The following ZCCHC14 variants were observed in gnomAD, a reference collection of about 807,000 sequenced individuals.
ZCCHC14 encodes the protein zinc finger CCHC-type containing 14, also known as zinc finger CCHC domain-containing protein 14.
ZCCHC14 carries 16 observed loss-of-function variants against 85.0 expected under a neutral mutation model. That is an observed-to-expected ratio of 0.19 (90% CI 0.13 to 0.29). ZCCHC14 has a LOEUF of 0.29. Ranked by LOEUF, ZCCHC14 falls within the 10% of genes least tolerant of loss-of-function variation. The pLI, the probability that ZCCHC14 is intolerant of heterozygous loss-of-function variation, is 1.00. For missense variants in ZCCHC14, 1,303 were observed against 1,443.5 expected (o/e 0.90, Z 1.58); for synonymous variants, 775 against 630.7 (o/e 1.23, Z -3.43).
chr16:87,406,766 A>T lies in ZCCHC14; in HGVS notation c.*3514T>A, dbSNP rs1908221997. ...TATTGCGAGTGTTGAGTGTTGATTA[A>T]AGATGCTTTCATTCAGACCCTTGGG... On this transcript the variant is annotated 3_prime_UTR_variant, in exon 13 of 13. Transcript: ENST00000671377. The T allele has an allele frequency of 6.6e-6, 1 of 152,198 alleles. No homozygotes were observed. Among genetic ancestry groups the T allele is most frequent in the Non-Finnish European group, 1.5e-5 (1 of 68,030 alleles). 9.4% of individuals were successfully genotyped at this position (152,198 alleles called of 1,614,324 possible). A position where few individuals can be genotyped will look rare whatever the true frequency, so the allele number is the denominator to read the frequency against.
At chr16:87,424,536 C>T (rs766770226) in intron 3 of ZCCHC14, among the ~76,000 whole-genome samples, 2 of 152,270 alleles carry the variant, frequency 1.3e-5, no homozygotes, top group African/African-American at 4.8e-5. Flanking sequence ...CATGCAGCAG[C>T]GGGCGGTGTC....
rs1567508306 is a variant in ZCCHC14 at position 87,412,914 on chromosome 16, T to TGCC, written c.1806_1807insGGC (p.Phe602_Thr603insGly). 1.2e-6 allele frequency: 2 copies of TGCC among 1,601,416 alleles called. No homozygotes were observed. ...GCCGTGGGTCTGGCGGAACTGGAAGTGAAGTGATTCAGCAGCATCACCGGC... is the reference window on the plus strand; with the variant it reads ...GCCGTGGGTCTGGCGGAACTGGAAGTGCCGAAGTGATTCAGCAGCATCACCGGC... On this transcript the variant is annotated inframe_insertion, in exon 12 of 13. Transcript: ENST00000671377.
At chr16:87,464,537 C>T (rs1479524215) in intron 1 of ZCCHC14, among the ~76,000 whole-genome samples, 1 of 152,152 alleles carries the variant, frequency 6.6e-6, no homozygotes, top group Non-Finnish European at 1.5e-5. Context: ...GTCCGTCTGC[C>T]ACAACCACAA....
chr16:87,475,713 G>C (rs1187646029), intron 1 of ZCCHC14, among the ~76,000 whole-genome samples: 1 of 152,130 alleles, frequency 6.6e-6, no homozygotes. Context: ...CCAAAGAACA[G>C]AGAGAGAAAA....
At chr16:87,431,466 C>G (rs1263999894) in intron 3 of ZCCHC14, among the ~76,000 whole-genome samples, 1 of 129,220 alleles carries the variant, frequency 7.7e-6, no homozygotes, top group African/African-American at 3.1e-5. Context: ...GAGCAAGGCT[C>G]TGTCTGAAAA....
chr16:87,413,556 A>G lies in ZCCHC14; in HGVS notation c.1604-361T>C, dbSNP rs148441382. ...ATCTTTTCAGTCAAATCACCACTTA[A>G]AATCCATCCTGCCAGGTTTTTTTTT... is the stretch of plus-strand genomic sequence containing the variant. On this transcript the variant is annotated intron_variant, in intron 10 of 12. Coordinates refer to ENST00000671377, the MANE Select transcript of ZCCHC14 (RefSeq NM_015144.3). 4.8e-3 allele frequency among the ~76,000 whole-genome samples: 731 copies of G among 151,378 alleles called. 8 individuals are homozygous for G. The highest frequency in any genetic ancestry group is 0.017 in the African/African-American group (708 of 41,242).
chr16:87,453,675 C>T (rs964998985), intron 2 of ZCCHC14, among the ~76,000 whole-genome samples: 2 of 152,214 alleles, frequency 1.3e-5, no homozygotes, highest in African/African-American at 4.8e-5. Context: ...CTTGTCCAGA[C>T]AATATTCCCT....
intron 3 of ZCCHC14, among the ~76,000 whole-genome samples, chr16:87,426,764 G>C (rs1184626684): frequency 6.6e-6 from 1 of 152,238 alleles, no homozygotes; most frequent in East Asian, 1.9e-4. Flanking sequence ...GGCAAAGCCA[G>C]CAAGGAGAAC....
chr16:87,421,578 G>A (rs1909097055), intron 4 of ZCCHC14, among the ~76,000 whole-genome samples: 1 of 152,156 alleles, frequency 6.6e-6, no homozygotes, highest in African/African-American at 2.4e-5. Flanking sequence ...CCCAGCACCA[G>A]GTCGCAAACA....
In ZCCHC14 at chr16:87,434,395, G is replaced by A. The variant is rs978999050; in HGVS notation, c.695-1194C>T. Among the ~76,000 whole-genome samples, 9 of 152,162 alleles carry A rather than the reference G, an allele frequency of 5.9e-5. No homozygotes were observed. In the East Asian group the frequency reaches 7.8e-4, roughly 13 times the overall value. Reference sequence around the variant, plus strand: ...ACTTCCCAGGCGCCAGGAGCCCCACGCCGAGCTTTACACATAACTGGGAAA... The same window carrying A: ...ACTTCCCAGGCGCCAGGAGCCCCACACCGAGCTTTACACATAACTGGGAAA... On this transcript the variant is annotated intron_variant, in intron 2 of 12. Coordinates refer to ENST00000671377, the MANE Select transcript of ZCCHC14 (RefSeq NM_015144.3).
chr16:87,467,043 T>G, intron 1 of ZCCHC14: 2 of 340,672 alleles, frequency 5.9e-6, no homozygotes, highest in East Asian at 5.2e-5. Context: ...AAAAAAAAAA[T>G]TGTTTTTTTT....
chr16:87,452,899 G>A (rs1018853806), intron 2 of ZCCHC14, among the ~76,000 whole-genome samples: 2 of 152,230 alleles, frequency 1.3e-5, no homozygotes, highest in African/African-American at 2.4e-5. Context: ...TGACGTGACA[G>A]GGAGGAGGGC....
chr16:87,422,618 C>T (rs891721323), intron 4 of ZCCHC14, among the ~76,000 whole-genome samples: 1 of 151,254 alleles, frequency 6.6e-6, no homozygotes, highest in African/African-American at 2.4e-5. Flanking sequence ...CACCTGTGAT[C>T]CCAGCAACTT....
rs953944820 is a variant in ZCCHC14, at chr16:87,409,190, AAAG to A, written c.*1087_*1089del. On this transcript the variant is annotated 3_prime_UTR_variant, in exon 13 of 13. Coordinates refer to ENST00000671377, the MANE Select transcript of ZCCHC14 (RefSeq NM_015144.3). ...AACTATCAATACACAGCCTAATACA[AAAG>A]AAGTTGACAGGAGAAAATTCCCAAT... 6.6e-6 allele frequency: 1 copy of A among 152,248 alleles called. No individual in the cohort carries two copies. Among genetic ancestry groups the A allele is most frequent in the African/African-American group, 2.4e-5 (1 of 41,466 alleles). 9.4% of individuals were successfully genotyped at this position (152,248 alleles called of 1,614,324 possible). A position where few individuals can be genotyped will look rare whatever the true frequency, so the allele number is the denominator to read the frequency against.
intron 1 of ZCCHC14, chr16:87,471,224 C>T (rs974791350): frequency 1.3e-5 from 2 of 152,068 alleles, no homozygotes; most frequent in Non-Finnish European, 1.5e-5. Flanking sequence ...ACGTAAAAAA[C>T]ATAAAACATA....
intron 1 of ZCCHC14, among the ~76,000 whole-genome samples, chr16:87,469,268 C>A (rs144449331): frequency 1.6e-4 from 25 of 152,328 alleles, no homozygotes; most frequent in Admixed American, 2.6e-4. Context: ...CATATGAGAT[C>A]ATCCATCTGA....
intron 2 of ZCCHC14, among the ~76,000 whole-genome samples, chr16:87,444,056 A>AAAG (rs1344593095): frequency 6.6e-6 from 1 of 150,544 alleles, no homozygotes; most frequent in Non-Finnish European, 1.5e-5. Flanking sequence ...AAAAAAAAAA[A>AAAG]AAAGAAAGAA....
intron 1 of ZCCHC14, among the ~76,000 whole-genome samples, chr16:87,481,996 G>A (rs1401622694): frequency 2.0e-5 from 3 of 152,194 alleles, no homozygotes; most frequent in East Asian, 1.9e-4. Flanking sequence ...GCCAGCAAGA[G>A]GAGCCCCACA....
chr16:87,466,320 G>A (rs1016055390), intron 1 of ZCCHC14, among the ~76,000 whole-genome samples: 12 of 152,152 alleles, frequency 7.9e-5, no homozygotes, highest in Non-Finnish European at 1.6e-4. Flanking sequence ...CAAGTGGGAC[G>A]TGCTGACGCA....
Sources: gnomAD v4.1 joint callset for allele counts (sites outside exome capture counted in the v4.1 genomes callset) on GRCh38, gnomAD v4.1.1 for gene constraint, MANE v1.5 for transcripts, NCBI Gene and HGNC (gene_info 2026-07-23, HGNC 2026-07-21) for gene names.